The following GLRA3 variants were observed in gnomAD, a reference collection of about 807,000 sequenced individuals.
GLRA3 encodes glycine receptor alpha 3.
In GLRA3, 44 loss-of-function variants were observed where a neutral mutation model predicts 60.4. That is an observed-to-expected ratio of 0.73 (90% CI 0.57 to 0.94). The LOEUF (loss-of-function observed/expected upper bound fraction) is 0.94. GLRA3 is among the 40% of genes least tolerant of loss of function. The pLI is 0.00. For missense variants in GLRA3, 508 were observed against 564.6 expected (o/e 0.90, Z 1.02); for synonymous variants, 223 against 192.9 (o/e 1.16, Z -1.29).
intron 1 of GLRA3, among the ~76,000 whole-genome samples, chr4:174,821,562 G>A (rs933522640): frequency 6.6e-6 from 1 of 152,000 alleles, no homozygotes. Context: ...TAAATATATA[G>A]AGAGAGTACA....
chr4:174,756,084 A>G (rs1737685323), intron 3 of GLRA3, among the ~76,000 whole-genome samples: 1 of 152,192 alleles, frequency 6.6e-6, no homozygotes, highest in Non-Finnish European at 1.5e-5. Flanking sequence ...ATAGTTTTAT[A>G]TCTAAGGAAT....
At chr4:174,803,979 A>C (rs1246483837) in intron 1 of GLRA3, among the ~76,000 whole-genome samples, 1 of 152,174 alleles carries the variant, frequency 6.6e-6, no homozygotes, top group East Asian at 1.9e-4. Context: ...TTCCTTAAAT[A>C]ATTTCTCATT....
chr4:174,770,617 CACATAATTCAA>C (rs899397536), intron 2 of GLRA3, among the ~76,000 whole-genome samples: 13 of 151,990 alleles, frequency 8.6e-5, no homozygotes, highest in Non-Finnish European at 1.9e-4. Flanking sequence ...ATGTCTAGAA[CACATAATTCAA>C]ACATGTATAG....
chr4:174,649,775 G>A (rs1275349722), intron 9 of GLRA3, among the ~76,000 whole-genome samples: 3 of 152,038 alleles, frequency 2.0e-5, no homozygotes, highest in Non-Finnish European at 4.4e-5. Context: ...AAGAGTTCAG[G>A]ACAGAGATGG....
chr4:174,672,424 T>G (rs901388061), intron 7 of GLRA3, among the ~76,000 whole-genome samples: 1 of 152,184 alleles, frequency 6.6e-6, no homozygotes, highest in Non-Finnish European at 1.5e-5. Context: ...TGGAGTGCAC[T>G]CTTCCACCCT....
intron 7 of GLRA3, among the ~76,000 whole-genome samples, chr4:174,661,438 T>G (rs2110896884): frequency 6.6e-6 from 1 of 152,336 alleles, no homozygotes; most frequent in East Asian, 1.9e-4. Flanking sequence ...AACCATATTT[T>G]CAGCCTCAGC....
At chr4:174,816,282 G>A (rs994347902) in intron 1 of GLRA3, among the ~76,000 whole-genome samples, 1 of 152,028 alleles carries the variant, frequency 6.6e-6, no homozygotes, top group African/African-American at 2.4e-5. Flanking sequence ...GGATCCCAAA[G>A]GTCAGGGATC....
intron 6 of GLRA3, among the ~76,000 whole-genome samples, chr4:174,682,382 T>C (rs1055512039): frequency 5.3e-5 from 8 of 152,086 alleles, no homozygotes; most frequent in African/African-American, 1.9e-4. Context: ...CACGAAAATA[T>C]GACAAAGGGA....
chr4:174,698,559 A>G (rs1735160116), intron 5 of GLRA3, among the ~76,000 whole-genome samples: 1 of 152,186 alleles, frequency 6.6e-6, no homozygotes, highest in Admixed American at 6.5e-5. Context: ...ACCTATACAA[A>G]ACCAAAACCA....
intron 5 of GLRA3, among the ~76,000 whole-genome samples, chr4:174,711,145 A>G (rs911233844): frequency 1.3e-5 from 2 of 151,870 alleles, no homozygotes; most frequent in African/African-American, 2.4e-5. Flanking sequence ...ATTGGTTTCT[A>G]ATTTTATTGC....
intron 7 of GLRA3, among the ~76,000 whole-genome samples, chr4:174,673,392 A>G (rs978822684): frequency 2.0e-5 from 3 of 152,120 alleles, no homozygotes; most frequent in African/African-American, 7.2e-5. Flanking sequence ...TATTATTACT[A>G]TCTCCTCTTT....
In GLRA3 at chr4:174,820,366, T is replaced by G. The variant is rs375384101; in HGVS notation, c.71+8375A>C. ...ATTTATCTGAAATTGTTAATGTGCT[T>G]TAGAAAAGAAGAAATAGTGCTTCAT... On this transcript the variant is annotated intron_variant, in intron 1 of 9. Coordinates refer to ENST00000274093, the MANE Select transcript of GLRA3 (RefSeq NM_006529.4). Among the ~76,000 whole-genome samples the G allele has an allele frequency of 2.4e-4, 36 of 152,268 alleles. No individual in the cohort carries two copies. In the East Asian group the frequency reaches 5.2e-3, roughly 22 times the overall value.
At chr4:174,725,140 T>C (rs940168152) in intron 4 of GLRA3, among the ~76,000 whole-genome samples, 4 of 152,260 alleles carry the variant, frequency 2.6e-5, no homozygotes, top group African/African-American at 9.6e-5. Flanking sequence ...ATGACATGAA[T>C]GTTAGATCAT....
At chr4:174,692,036 C>T (rs28424079) in intron 5 of GLRA3, among the ~76,000 whole-genome samples, 25,908 of 151,608 alleles carry the variant, frequency 0.17, 2,421 homozygotes, top group African/African-American at 0.26. Context: ...CGCCTCTACC[C>T]GGCCACCACC....
At chr4:174,811,152 C>G (rs1347861593) in intron 1 of GLRA3, among the ~76,000 whole-genome samples, 1 of 149,168 alleles carries the variant, frequency 6.7e-6, no homozygotes, top group African/African-American at 2.5e-5. Context: ...CAGACACACA[C>G]ACAGACAGCA....
chr4:174,732,271 C>A (rs954385533), intron 3 of GLRA3, among the ~76,000 whole-genome samples: 13 of 151,744 alleles, frequency 8.6e-5, no homozygotes, highest in Non-Finnish European at 1.5e-5. Context: ...AGGAGAGACG[C>A]TTGAACCCAG....
intron 2 of GLRA3, among the ~76,000 whole-genome samples, chr4:174,781,945 G>T (rs1738893813): frequency 6.6e-6 from 1 of 151,838 alleles, no homozygotes; most frequent in Non-Finnish European, 1.5e-5. Flanking sequence ...GAAAAAGAGG[G>T]AATCCTTCCT....
At chr4:174,798,829 C>G (rs1739685452) in intron 1 of GLRA3, among the ~76,000 whole-genome samples, 1 of 151,722 alleles carries the variant, frequency 6.6e-6, no homozygotes, top group Non-Finnish European at 1.5e-5. Flanking sequence ...GAGGCTGAGG[C>G]AGAATGCCGT....
At chr4:174,786,129 T>C (rs182706014) in intron 2 of GLRA3, among the ~76,000 whole-genome samples, 1 of 152,164 alleles carries the variant, frequency 6.6e-6, no homozygotes, top group Admixed American at 6.5e-5. Context: ...CTGATATTCA[T>C]GTCTCTAAAC....
Sources: gnomAD v4.1 joint callset for allele counts (sites outside exome capture counted in the v4.1 genomes callset) on GRCh38, gnomAD v4.1.1 for gene constraint, MANE v1.5 for transcripts, NCBI Gene and HGNC (gene_info 2026-07-23, HGNC 2026-07-21) for gene names.